Variants in RAB11FIP3 observed in about 807,000 individuals in gnomAD.
RAB11FIP3 encodes the protein rab11 family-interacting protein 3.
RAB11FIP3 carries 17 observed loss-of-function variants against 77.8 expected under a neutral mutation model. That is an observed-to-expected ratio of 0.22 (90% CI 0.15 to 0.33). RAB11FIP3 has a LOEUF of 0.33. Ranked by LOEUF, RAB11FIP3 falls within the 10% of genes least tolerant of loss-of-function variation. The pLI is 1.00. For missense variants in RAB11FIP3, 1,005 were observed against 1,011.2 expected (o/e 0.99, Z 0.08); for synonymous variants, 437 against 448.2 (o/e 0.98, Z 0.31).
intron 3 of RAB11FIP3, among the ~76,000 whole-genome samples, chr16:480,645 G>A (rs1252564124): frequency 2.0e-5 from 3 of 151,834 alleles, no homozygotes. Context: ...GACTACAGGT[G>A]CCCGCCACCA....
intron 9 of RAB11FIP3, among the ~76,000 whole-genome samples, chr16:512,135 G>A (rs975810247): frequency 1.3e-5 from 2 of 152,148 alleles, no homozygotes; most frequent in African/African-American, 4.8e-5. Flanking sequence ...GACCACAAGG[G>A]ATCGGTTCAA....
intron 4 of RAB11FIP3, 65 bp downstream of exon 4, chr16:482,801 A>G: frequency 3.4e-6 from 5 of 1,490,602 alleles, no homozygotes; most frequent in Non-Finnish European, 4.5e-6. Context: ...GAGGTGTCTG[A>G]TGGGCAGACT....
intron 12 of RAB11FIP3, 69 bp downstream of exon 12, chr16:520,346 G>T: frequency 6.4e-7 from 1 of 1,568,986 alleles, no homozygotes; most frequent in South Asian, 1.2e-5. Context: ...TGGGAAGGGG[G>T]GGCCGTGGAG....
chr16:443,257 T>A (rs902535893), intron 1 of RAB11FIP3, among the ~76,000 whole-genome samples: 15 of 152,144 alleles, frequency 9.9e-5, no homozygotes, highest in African/African-American at 3.6e-4. Flanking sequence ...AACCTGCTCT[T>A]GTTGGCTTGC....
chr16:493,254 A>C (rs2030758160), intron 5 of RAB11FIP3, among the ~76,000 whole-genome samples: 1 of 45,432 alleles, frequency 2.2e-5, no homozygotes, highest in African/African-American at 6.1e-5. Flanking sequence ...CTGACTCCAA[A>C]AAAAAAAAAA....
At position 513,976 on chromosome 16, in the gene RAB11FIP3, G is replaced by A. The variant is rs568102944; in HGVS notation, c.1640+3176G>A. Among the ~76,000 whole-genome samples, 57 of 152,320 alleles carry A rather than the reference G, an allele frequency of 3.7e-4. No individual in the cohort carries two copies. In the South Asian group the frequency reaches 6.2e-3, roughly 17 times the overall value. ...GGAGCACCTCCCATGGGACCTTTCC[G>A]CTGGGGCTGAGGTTGGGGCACAGCC... On this transcript the variant is annotated intron_variant, in intron 9 of 13. Transcript: ENST00000262305.
intron 3 of RAB11FIP3, chr16:474,810 C>A: frequency 7.1e-7 from 1 of 1,412,866 alleles, no homozygotes; most frequent in Non-Finnish European, 9.2e-7. Flanking sequence ...ACTTCCTGAA[C>A]TTTGCCTTCC....
intron 6 of RAB11FIP3, among the ~76,000 whole-genome samples, chr16:501,572 C>T (rs2031523980): frequency 6.7e-6 from 1 of 150,192 alleles, no homozygotes; most frequent in African/African-American, 2.5e-5. Flanking sequence ...AGAGGGTCCC[C>T]CATTTCATAG....
At chr16:498,795 G>A (rs2031319551) in intron 6 of RAB11FIP3, among the ~76,000 whole-genome samples, 2 of 151,766 alleles carry the variant, frequency 1.3e-5, no homozygotes, top group South Asian at 4.1e-4. Flanking sequence ...AGGAGCCACC[G>A]CGTCCCACTT....
At chr16:516,868 A>G (rs1449124359) in intron 9 of RAB11FIP3, among the ~76,000 whole-genome samples, 1 of 152,242 alleles carries the variant, frequency 6.6e-6, no homozygotes, top group African/African-American at 2.4e-5. Flanking sequence ...ATAAAATAAA[A>G]TAAATAAATA....
intron 1 of RAB11FIP3, among the ~76,000 whole-genome samples, chr16:433,615 A>G (rs2055076936): frequency 1.3e-5 from 2 of 151,604 alleles, no homozygotes; most frequent in African/African-American, 2.4e-5. Context: ...TTGGAAGGCC[A>G]AGGCGGGCGG....
intron 2 of RAB11FIP3, among the ~76,000 whole-genome samples, chr16:467,152 A>C (rs1487405444): frequency 6.6e-6 from 1 of 152,194 alleles, no homozygotes; most frequent in Non-Finnish European, 1.5e-5. Flanking sequence ...CTAGGGAGGC[A>C]GAGGAGTGGG....
In RAB11FIP3 at chr16:490,199, C is replaced by A. The variant is rs141582329; in HGVS notation, c.1265+1199C>A. Among the ~76,000 whole-genome samples the A allele has an allele frequency of 3.6e-3, 556 of 152,352 alleles. 4 individuals carry two copies. The highest frequency in any genetic ancestry group is 0.013 in the African/African-American group (541 of 41,572). On this transcript the variant is annotated intron_variant, in intron 5 of 13. Coordinates refer to ENST00000262305, the MANE Select transcript of RAB11FIP3 (RefSeq NM_014700.4). Reference sequence around the variant, plus strand: ...CTTTACTTGAGCTTCCAAATGGTTTCCCACAGCATGTGGGTCCCAGCGCCC... The same window carrying A: ...CTTTACTTGAGCTTCCAAATGGTTTACCACAGCATGTGGGTCCCAGCGCCC...
rs563575873 is a variant in RAB11FIP3 at position 490,701 on chromosome 16, G to A, written c.1265+1701G>A. On this transcript the variant is annotated intron_variant, in intron 5 of 13. Transcript: ENST00000262305. ...ATAGTTTTTGCTAGAGGTGGTTTTTGGAGTAATCATAAATATAGTACAGTA... is the reference window on the plus strand; with the variant it reads ...ATAGTTTTTGCTAGAGGTGGTTTTTAGAGTAATCATAAATATAGTACAGTA... Among the ~76,000 whole-genome samples the A allele has an allele frequency of 3.3e-5, 5 of 152,308 alleles. No individual in the cohort carries two copies. In the East Asian group the frequency reaches 9.6e-4, roughly 29 times the overall value.
At chr16:447,720 A>G (rs572522037) in intron 1 of RAB11FIP3, among the ~76,000 whole-genome samples, 1 of 152,298 alleles carries the variant, frequency 6.6e-6, no homozygotes, top group East Asian at 1.9e-4. Flanking sequence ...CCTGGGCAAC[A>G]GAGCGAGACT....
intron 1 of RAB11FIP3, among the ~76,000 whole-genome samples, chr16:433,921 T>G (rs1379430839): frequency 6.6e-6 from 1 of 152,008 alleles, no homozygotes; most frequent in Non-Finnish European, 1.5e-5. Flanking sequence ...ATTCAACTGT[T>G]GATGGACACT....
intron 2 of RAB11FIP3, among the ~76,000 whole-genome samples, chr16:463,205 G>A (rs549799531): frequency 1.3e-4 from 20 of 152,136 alleles, no homozygotes; most frequent in Admixed American, 1.0e-3. Flanking sequence ...TAGGGGTGAC[G>A]GTGGCGGGTC....
intron 1 of RAB11FIP3, among the ~76,000 whole-genome samples, chr16:438,173 TA>T: frequency 6.6e-6 from 1 of 151,734 alleles, no homozygotes; most frequent in East Asian, 1.9e-4. Context: ...AGTGGTGTGA[TA>T]TCCACTTACT....
In RAB11FIP3 at chr16:425,899, C is replaced by A; in HGVS notation, c.-108C>A. On this transcript the variant is annotated 5_prime_UTR_variant, in exon 1 of 14. Transcript: ENST00000262305. ...CGCCAGCCCCAGCAGCCCGGGCGCCCCGCGCGCGCCCGCCCGCGCCGCCGA... is the reference window on the plus strand; with the variant it reads ...CGCCAGCCCCAGCAGCCCGGGCGCCACGCGCGCGCCCGCCCGCGCCGCCGA... 3.9e-6 allele frequency: 1 copy of A among 254,576 alleles called. No homozygotes were observed. Among genetic ancestry groups the A allele is most frequent in the Non-Finnish European group, 6.2e-6 (1 of 161,332 alleles). The allele number at this position is 254,576 out of a possible 1,614,324, so 15.8% of individuals were successfully genotyped here.
Sources: allele counts gnomAD v4.1 joint callset (sites outside exome capture counted in the v4.1 genomes callset), GRCh38; gene constraint gnomAD v4.1.1; transcripts MANE v1.5; gene names NCBI Gene and HGNC (gene_info 2026-07-23, HGNC 2026-07-21).